Variants in RWDD2A observed in about 807,000 individuals in gnomAD.
The protein encoded by RWDD2A is RWD domain-containing protein 2A.
RWDD2A carries 15 observed loss-of-function variants against 23.1 expected under a neutral mutation model. The observed-to-expected ratio is 0.65, with a 90% confidence interval of 0.43 to 1.00. RWDD2A has a LOEUF of 1.00. RWDD2A is among the 50% of genes least tolerant of loss of function. The pLI is 0.00. For synonymous variants in RWDD2A, 103 were observed against 123.0 expected, an observed-to-expected ratio of 0.84 and a Z score of 1.08; for missense variants, 310 against 341.7, an observed-to-expected ratio of 0.91 and a Z score of 0.73.
At position 83,197,182 on chromosome 6, in the gene RWDD2A, AG is replaced by A. The variant is rs762503617; in HGVS notation, c.*911del. 15 of 152,358 alleles carry A rather than the reference AG, an allele frequency of 9.8e-5. No individual in the cohort carries two copies. In the East Asian group the frequency reaches 1.7e-3, roughly 18 times the overall value. The allele number at this position is 152,358 out of a possible 1,614,324, so 9.4% of individuals were successfully genotyped here. A position where few individuals can be genotyped will look rare whatever the true frequency, so the allele number is the denominator to read the frequency against. Reference sequence around the variant, plus strand: ...ACCAGTATTAGTTTAATTCTTATCCAGAAAAGATAAACACATGGTTCCTTGT... The same window carrying A: ...ACCAGTATTAGTTTAATTCTTATCCAAAAAGATAAACACATGGTTCCTTGT... On this transcript the variant is annotated 3_prime_UTR_variant, in exon 3 of 3. Transcript: ENST00000369724.
At position 83,198,493 on chromosome 6, in the gene RWDD2A, A is replaced by T. The variant is rs189109051; in HGVS notation, c.*2221A>T. Reference sequence around the variant, plus strand: ...ATTCAAAACTCAACTTTGTATGTATAGGAGTCTGCTGGTTGTTTGCACAGC... The same window carrying T: ...ATTCAAAACTCAACTTTGTATGTATTGGAGTCTGCTGGTTGTTTGCACAGC... On this transcript the variant is annotated 3_prime_UTR_variant, in exon 3 of 3. Coordinates refer to ENST00000369724, the MANE Select transcript of RWDD2A (RefSeq NM_033411.5). The T allele has an allele frequency of 1.5e-4, 23 of 152,212 alleles. No homozygotes were observed. In the East Asian group the frequency reaches 4.3e-3, roughly 29 times the overall value. 9.4% of individuals were successfully genotyped at this position (152,212 alleles called of 1,614,324 possible).
At chr6:83,195,497 ATAG>A in intron 2 of RWDD2A, 95 bp from the exon 3 acceptor site, 1 of 950,034 alleles carries the variant, frequency 1.1e-6, no homozygotes, top group Non-Finnish European at 1.6e-6. Context: ...GGTACATTTA[ATAG>A]TAGCAATAAC....
At chr6:83,195,428 T>C (rs760699230) in intron 2 of RWDD2A, 167 bp from the exon 3 acceptor site, 105 of 641,176 alleles carry the variant, frequency 1.6e-4, no homozygotes, top group Non-Finnish European at 2.7e-4. Flanking sequence ...GCACACGTAG[T>C]TGTTCAATAA....
In RWDD2A at chr6:83,195,745, CTCTGTGTATG is replaced by C; in HGVS notation, c.354_363del (p.Cys119GlnfsTer15). 6.2e-7 allele frequency: 1 copy of C among 1,614,160 alleles called. No individual in the cohort carries two copies. Among genetic ancestry groups the C allele is most frequent in the South Asian group, 1.1e-5 (1 of 91,082 alleles). On this transcript the variant is annotated frameshift_variant, in exon 3 of 3. Coordinates refer to ENST00000369724, the MANE Select transcript of RWDD2A (RefSeq NM_033411.5). LOFTEE classifies it high-confidence loss of function. ...CATAGGGACTTTTGATCCAGGTGAG[CTCTGTGTATG>C]TGCAGCAATCCAGTGGCTACAGGAC... is the stretch of plus-strand genomic sequence containing the variant.
In RWDD2A at chr6:83,195,995, A is replaced by G; in HGVS notation, c.602A>G (p.Lys201Arg). Residue 201 changes from lysine (K) to arginine (R), a missense_variant, in exon 3 of 3, where the codon AAA becomes AGA. Coordinates refer to ENST00000369724, the MANE Select transcript of RWDD2A (RefSeq NM_033411.5). The stretch of plus-strand genomic sequence containing the variant: ...GGTATAATCTGTGTGGAGGGTTTCA[A>G]AGAGCACTGTGAGGAGTTCTGGCAC... The part of the protein sequence containing the change: ...KPGIICVEGF[K>R]EHCEEFWHTI... The G allele has an allele frequency of 2.5e-6, 4 of 1,614,224 alleles. No homozygotes were observed. In the Admixed American group the frequency reaches 5.0e-5, roughly 20 times the overall value.
At chr6:83,194,747 C>A in intron 2 of RWDD2A, 95 bp downstream of exon 2, 1 of 895,616 alleles carries the variant, frequency 1.1e-6, no homozygotes, top group Non-Finnish European at 1.7e-6. Context: ...AGAAATATTC[C>A]AGGTGCATAT....
At position 83,195,943 on chromosome 6, in the gene RWDD2A, A is replaced by G. The variant is rs1789572032; in HGVS notation, c.550A>G (p.Thr184Ala). 6.2e-7 allele frequency: 1 copy of G among 1,614,108 alleles called. No individual in the cohort carries two copies. Among genetic ancestry groups the G allele is most frequent in the Non-Finnish European group, 8.5e-7 (1 of 1,180,058 alleles). ...GGATGTTGGGAAAAGGTTAGATGTG[A>G]CTGGATTTTGCATGACAGGAAAGCC... is the stretch of plus-strand genomic sequence containing the variant. ...ILDVGKRLDV[T>A]GFCMTGKPGI... Residue 184 changes from threonine (T) to alanine (A), a missense_variant, in exon 3 of 3, where the codon ACT becomes GCT. Thr to Ala is a moderately conservative substitution (Grantham distance 58, BLOSUM62 0). Transcript: ENST00000369724.
At position 83,194,632 on chromosome 6, in the gene RWDD2A, C is replaced by T. The variant is rs1462409593; in HGVS notation, c.181C>T (p.Leu61Phe). The change falls in exon 2 of 3, where the codon CTC becomes TTC. Residue 61 changes from leucine (L) to phenylalanine (F), a missense_variant. Leu to Phe is a conservative substitution (Grantham distance 22, BLOSUM62 0). Coordinates refer to ENST00000369724, the MANE Select transcript of RWDD2A (RefSeq NM_033411.5). ...LPPKIEFVIT[L>F]QIEEPKVKID... is the part of the protein sequence containing the mutation. ...ACCAAAAATCGAATTTGTAATTACA[C>T]TCCAGATTGAAGAGCCCAAGGTAGG... The T allele has an allele frequency of 3.1e-6, 5 of 1,614,152 alleles. No homozygotes were observed. In the South Asian group the frequency reaches 5.5e-5, roughly 18 times the overall value.
At position 83,194,375 on chromosome 6, in the gene RWDD2A, T is replaced by G. The variant is rs1789461099; in HGVS notation, c.-77T>G. ...TAAAGGGACCTTCGGGAAATTTCGCTGGATACCGGCTGGCATTGACAAACC... is the reference window on the plus strand; with the variant it reads ...TAAAGGGACCTTCGGGAAATTTCGCGGGATACCGGCTGGCATTGACAAACC... On this transcript the variant is annotated 5_prime_UTR_variant, in exon 2 of 3. Transcript: ENST00000369724. The G allele has an allele frequency of 7.3e-7, 1 of 1,379,072 alleles. No homozygotes were observed. Among genetic ancestry groups the G allele is most frequent in the Non-Finnish European group, 9.9e-7 (1 of 1,008,944 alleles). 85.4% of individuals were successfully genotyped at this position (1,379,072 alleles called of 1,614,324 possible). A position where few individuals can be genotyped will look rare whatever the true frequency, so the allele number is the denominator to read the frequency against.
In RWDD2A at chr6:83,198,359, A is replaced by G. The variant is rs1424348823; in HGVS notation, c.*2087A>G. 1 of 152,208 alleles carries G rather than the reference A, an allele frequency of 6.6e-6. No individual in the cohort carries two copies. Among genetic ancestry groups the G allele is most frequent in the Non-Finnish European group, 1.5e-5 (1 of 68,040 alleles). The allele number at this position is 152,208 out of a possible 1,614,324, so 9.4% of individuals were successfully genotyped here. On this transcript the variant is annotated 3_prime_UTR_variant, in exon 3 of 3. Transcript: ENST00000369724. ...TTTTTCAGAACCTACTTTTTTATAA[A>G]TAAGTCTAATTTGAGCATTCTGCAA...
intron 1 of RWDD2A, chr6:83,194,001 C>G (rs1789422314): frequency 6.5e-6 from 1 of 154,014 alleles, no homozygotes; most frequent in African/African-American, 2.4e-5. Context: ...ACTGCGGCCT[C>G]TCTCGCCGCA....
At chr6:83,195,354 CT>C (rs1235705681) in intron 2 of RWDD2A, among the ~76,000 whole-genome samples, 2 of 152,170 alleles carry the variant, frequency 1.3e-5, no homozygotes, top group Non-Finnish European at 2.9e-5. Context: ...AGGCCCTGGA[CT>C]TCATGAAGGG....
rs1330612875 is a variant in RWDD2A at position 83,198,507 on chromosome 6, T to G, written c.*2235T>G. 6.6e-6 allele frequency: 1 copy of G among 152,234 alleles called. No individual in the cohort carries two copies. Among genetic ancestry groups the G allele is most frequent in the Non-Finnish European group, 1.5e-5 (1 of 68,046 alleles). 9.4% of individuals were successfully genotyped at this position (152,234 alleles called of 1,614,324 possible). A position where few individuals can be genotyped will look rare whatever the true frequency, so the allele number is the denominator to read the frequency against. Reference sequence around the variant, plus strand: ...TTTGTATGTATAGGAGTCTGCTGGTTGTTTGCACAGCCTGATATGAGCACA... The same window carrying G: ...TTTGTATGTATAGGAGTCTGCTGGTGGTTTGCACAGCCTGATATGAGCACA... On this transcript the variant is annotated 3_prime_UTR_variant, in exon 3 of 3. Coordinates refer to ENST00000369724, the MANE Select transcript of RWDD2A (RefSeq NM_033411.5).
rs1789659301 is a variant in RWDD2A at position 83,198,038 on chromosome 6, T to G, written c.*1766T>G. On this transcript the variant is annotated 3_prime_UTR_variant, in exon 3 of 3. Coordinates refer to ENST00000369724, the MANE Select transcript of RWDD2A (RefSeq NM_033411.5). ...ATATGCAAAGGGAAGAAATAGGACT[T>G]ACATTGCCAAGGAATCACTTCTTAA... is the stretch of plus-strand genomic sequence containing the variant. 6.6e-6 allele frequency: 1 copy of G among 152,202 alleles called. No homozygotes were observed. Among genetic ancestry groups the G allele is most frequent in the African/African-American group, 2.4e-5 (1 of 41,442 alleles). The allele number at this position is 152,202 out of a possible 1,614,324, so 9.4% of individuals were successfully genotyped here.
rs764526042 is a variant in RWDD2A at position 83,194,553 on chromosome 6, A to G, written c.102A>G (p.Val34=). ...PNQGEVKLED[V]NALTNIKRYL... is the part of the protein sequence containing the mutation. ...AAGGAGAAGTAAAACTTGAAGATGT[A>G]AATGCCCTGACGAATATAAAGAGGT... is the stretch of plus-strand genomic sequence containing the variant. The change falls in exon 2 of 3, where the codon GTA becomes GTG. Residue 34 remains valine, a synonymous_variant. Coordinates refer to ENST00000369724, the MANE Select transcript of RWDD2A (RefSeq NM_033411.5). 3 of 1,614,140 alleles carry G rather than the reference A, an allele frequency of 1.9e-6. No homozygotes were observed. In the East Asian group the frequency reaches 6.7e-5, roughly 36 times the overall value.
At position 83,195,944 on chromosome 6, in the gene RWDD2A, C is replaced by T. The variant is rs1021674914; in HGVS notation, c.551C>T (p.Thr184Ile). Residue 184 changes from threonine (T) to isoleucine (I), a missense_variant, in exon 3 of 3, where the codon ACT becomes ATT. Coordinates refer to ENST00000369724, the MANE Select transcript of RWDD2A (RefSeq NM_033411.5). ...GATGTTGGGAAAAGGTTAGATGTGACTGGATTTTGCATGACAGGAAAGCCT... is the reference window on the plus strand; with the variant it reads ...GATGTTGGGAAAAGGTTAGATGTGATTGGATTTTGCATGACAGGAAAGCCT... ...ILDVGKRLDV[T>I]GFCMTGKPGI... The T allele has an allele frequency of 1.9e-6, 3 of 1,614,064 alleles. No individual in the cohort carries two copies. The highest frequency in any genetic ancestry group is 2.7e-5 in the African/African-American group (2 of 74,928).
At chr6:83,194,845 A>G (rs1450083538) in intron 2 of RWDD2A, among the ~76,000 whole-genome samples, 193 bp downstream of exon 2, 1 of 152,220 alleles carries the variant, frequency 6.6e-6, no homozygotes, top group Non-Finnish European at 1.5e-5. Flanking sequence ...CTTTTTAACA[A>G]ATATACCTGG....
rs2128520437 is a variant in RWDD2A at position 83,198,824 on chromosome 6, G to C, written c.*2552G>C. ...TCTATTGCTTGTAACTTAAGAATCT[G>C]GATATTCTGTTTATTATATTCTTAA... On this transcript the variant is annotated 3_prime_UTR_variant, in exon 3 of 3. Coordinates refer to ENST00000369724, the MANE Select transcript of RWDD2A (RefSeq NM_033411.5). 6.6e-6 allele frequency: 1 copy of C among 150,542 alleles called. No homozygotes were observed. Among genetic ancestry groups the C allele is most frequent in the South Asian group, 2.1e-4 (1 of 4,770 alleles). The allele number at this position is 150,542 out of a possible 1,614,324, so 9.3% of individuals were successfully genotyped here.
At chr6:83,195,135 G>A (rs1446504074) in intron 2 of RWDD2A, among the ~76,000 whole-genome samples, 1 of 152,298 alleles carries the variant, frequency 6.6e-6, no homozygotes, top group African/African-American at 2.4e-5. Flanking sequence ...CGTGGACTGG[G>A]CATTTGAGAA....
Sources: allele counts gnomAD v4.1 joint callset (sites outside exome capture counted in the v4.1 genomes callset), GRCh38; gene constraint gnomAD v4.1.1; transcripts MANE v1.5; gene names NCBI Gene and HGNC (gene_info 2026-07-23, HGNC 2026-07-21).